Variants in OSBPL1A observed in about 807,000 individuals in gnomAD.
OSBPL1A encodes oxysterol binding protein like 1A.
A neutral mutation model predicts 137.1 loss-of-function variants in OSBPL1A; 80 were observed. The observed-to-expected ratio is 0.58, with a 90% confidence interval of 0.49 to 0.70. OSBPL1A has a LOEUF of 0.70. Ranked by LOEUF, OSBPL1A falls within the 30% of genes least tolerant of loss-of-function variation. The pLI, the probability that OSBPL1A is intolerant of heterozygous loss-of-function variation, is 0.00. For synonymous variants in OSBPL1A, 365 were observed against 389.7 expected (o/e 0.94, Z 0.75); for missense variants, 970 against 1,129.4 (o/e 0.86, Z 2.02).
At chr18:24,340,479 G>C (rs1487044098) in intron 5 of OSBPL1A, among the ~76,000 whole-genome samples, 1 of 152,014 alleles carries the variant, frequency 6.6e-6, no homozygotes, top group Non-Finnish European at 1.5e-5. Flanking sequence ...TTCAAGACCA[G>C]CCTGGGCAAC....
At chr18:24,338,788 A>G (rs1005069077) in intron 5 of OSBPL1A, among the ~76,000 whole-genome samples, 2 of 152,068 alleles carry the variant, frequency 1.3e-5, no homozygotes, top group African/African-American at 4.8e-5. Context: ...ATCTCGGCTC[A>G]CTGCAACCTC....
rs151003721 is a variant in OSBPL1A, at chr18:24,265,721, G to A, written c.1281+15121C>T. Among the ~76,000 whole-genome samples, 408 of 152,264 alleles carry A rather than the reference G, an allele frequency of 2.7e-3. 1 individual carries two copies. Among genetic ancestry groups the A allele is most frequent in the African/African-American group, 9.1e-3 (376 of 41,540 alleles). On this transcript the variant is annotated intron_variant, in intron 15 of 27. Transcript: ENST00000319481. Reference sequence around the variant, plus strand: ...GCATAGCATGTAGCATGTTGTCACCGGAGCATAGCATCTCCCCTGCCACTG... The same window carrying A: ...GCATAGCATGTAGCATGTTGTCACCAGAGCATAGCATCTCCCCTGCCACTG...
At chr18:24,351,102 C>T (rs1048743802) in intron 4 of OSBPL1A, among the ~76,000 whole-genome samples, 1 of 151,986 alleles carries the variant, frequency 6.6e-6, no homozygotes, top group African/African-American at 2.4e-5. Context: ...AATCCCAGCA[C>T]TTTGGGAGGC....
chr18:24,164,380 A>G (rs2086090431), intron 27 of OSBPL1A, among the ~76,000 whole-genome samples: 1 of 150,638 alleles, frequency 6.6e-6, no homozygotes, highest in South Asian at 2.1e-4. Flanking sequence ...GAAAATATAA[A>G]TTAGTACAGC....
At chr18:24,224,829 G>C (rs556927676) in intron 17 of OSBPL1A, among the ~76,000 whole-genome samples, 21 of 152,316 alleles carry the variant, frequency 1.4e-4, no homozygotes, top group Admixed American at 7.2e-4. Context: ...GAACATGATT[G>C]CTAAGCCCAT....
chr18:24,221,439 T>G (rs1419402924), intron 17 of OSBPL1A, among the ~76,000 whole-genome samples: 1 of 152,220 alleles, frequency 6.6e-6, no homozygotes, highest in Non-Finnish European at 1.5e-5. Context: ...TACAGAAGGC[T>G]TTATTCAAGC....
chr18:24,203,716 G>T (rs1267097266), intron 17 of OSBPL1A, among the ~76,000 whole-genome samples: 1 of 152,144 alleles, frequency 6.6e-6, no homozygotes, highest in African/African-American at 2.4e-5. Flanking sequence ...TTTTCCACAT[G>T]TTCCCAAAGA....
chr18:24,191,274 C>G (rs1479558251), intron 18 of OSBPL1A, among the ~76,000 whole-genome samples: 2 of 152,246 alleles, frequency 1.3e-5, no homozygotes, highest in African/African-American at 4.8e-5. Flanking sequence ...ATCACACACA[C>G]AAAAATTCTG....
intron 7 of OSBPL1A, among the ~76,000 whole-genome samples, chr18:24,320,100 G>A (rs535116695): frequency 1.3e-5 from 2 of 152,078 alleles, no homozygotes; most frequent in African/African-American, 4.8e-5. Flanking sequence ...AACAAAAAGG[G>A]GGGCTGGGGG....
chr18:24,379,634 G>A (rs192954598), intron 1 of OSBPL1A, among the ~76,000 whole-genome samples: 78 of 151,942 alleles, frequency 5.1e-4, no homozygotes, highest in Non-Finnish European at 9.1e-4. Flanking sequence ...TTGGCAGGCC[G>A]AGGTGGTAGG....
At position 24,195,907 on chromosome 18, in the gene OSBPL1A, GTT is replaced by G. The variant is rs35336280; in HGVS notation, c.1677+216_1677+217del. ...AACACGGCATTTTCAGTTTCTGTTT[GTT>G]TTTTTTTTTACATCAAAAATGCACA... On this transcript the variant is annotated intron_variant, in intron 18 of 27. Coordinates refer to ENST00000319481, the MANE Select transcript of OSBPL1A (RefSeq NM_080597.4). 5.8e-4 allele frequency: 235 copies of G among 408,026 alleles called. 1 individual carries two copies. Among genetic ancestry groups the G allele is most frequent in the African/African-American group, 2.9e-3 (136 of 47,550 alleles). The allele number at this position is 408,026 out of a possible 1,614,324, so 25.3% of individuals were successfully genotyped here.
In OSBPL1A at chr18:24,200,639, G is replaced by A. The variant is rs114149343; in HGVS notation, c.1602-4439C>T. ...GATTTCAAGGGCCCAAAAGCCACAC[G>A]TGGCTAGTGGCAACTGTACTGGACA... is the stretch of plus-strand genomic sequence containing the variant. On this transcript the variant is annotated intron_variant, in intron 17 of 27. Transcript: ENST00000319481. Among the ~76,000 whole-genome samples the A allele has an allele frequency of 0.016, 2,419 of 151,732 alleles. 132 individuals are homozygous for A. In the East Asian group the frequency reaches 0.21, roughly 13 times the overall value.
intron 4 of OSBPL1A, among the ~76,000 whole-genome samples, chr18:24,344,012 C>T (rs78282708): frequency 0.067 from 10,230 of 152,038 alleles, 398 homozygotes; most frequent in Middle Eastern, 0.099. Context: ...AAAAAGGAAA[C>T]CCAGAGAACA....
At chr18:24,384,957 AT>A (rs199508399) in intron 1 of OSBPL1A, among the ~76,000 whole-genome samples, 40,358 of 143,770 alleles carry the variant, frequency 0.28, 6,430 homozygotes, top group East Asian at 0.75. Flanking sequence ...ATAGGTTAGA[AT>A]TTTTTTTTTT....
chr18:24,251,590 C>T (rs905370758), intron 15 of OSBPL1A, among the ~76,000 whole-genome samples: 1 of 152,192 alleles, frequency 6.6e-6, no homozygotes, highest in African/African-American at 2.4e-5. Context: ...GGAAAGCCTT[C>T]TCAAGAAGGA....
chr18:24,226,156 C>T (rs11874214), intron 16 of OSBPL1A, among the ~76,000 whole-genome samples: 5,697 of 152,158 alleles, frequency 0.037, 341 homozygotes, highest in African/African-American at 0.13. Flanking sequence ...GGGAAGAAGA[C>T]AACGCATTTT....
intron 4 of OSBPL1A, among the ~76,000 whole-genome samples, chr18:24,364,618 T>C (rs1372211256): frequency 6.6e-6 from 1 of 152,038 alleles, no homozygotes; most frequent in African/African-American, 2.4e-5. Flanking sequence ...TTTTTTAATT[T>C]TTTTTTTTTA....
intron 14 of OSBPL1A, chr18:24,302,249 A>T: frequency 6.9e-6 from 1 of 145,106 alleles, no homozygotes; most frequent in Admixed American, 6.8e-5. Context: ...AAAAAAAAAA[A>T]AAAAGTTAAT....
At chr18:24,332,023 C>G (rs2091087765) in intron 7 of OSBPL1A, among the ~76,000 whole-genome samples, 2 of 152,000 alleles carry the variant, frequency 1.3e-5, no homozygotes, top group African/African-American at 2.4e-5. Flanking sequence ...TCGTCATGGT[C>G]TATTTAGGGT....
Sources: allele counts gnomAD v4.1 joint callset (sites outside exome capture counted in the v4.1 genomes callset), GRCh38; gene constraint gnomAD v4.1.1; transcripts MANE v1.5; gene names NCBI Gene and HGNC (gene_info 2026-07-23, HGNC 2026-07-21).